SLC14A2: variants seen among roughly 807,000 people sequenced by gnomAD.
SLC14A2 encodes solute carrier family 14 member 2.
Under a neutral mutation model 104.6 loss-of-function variants are expected in SLC14A2, and 91 were observed. That is an observed-to-expected ratio of 0.87 (90% CI 0.73 to 1.04). The LOEUF is 1.04. Ranked by LOEUF, SLC14A2 falls within the 50% of genes least tolerant of loss-of-function variation. The pLI, the probability that SLC14A2 is intolerant of heterozygous loss-of-function variation, is 0.00. For synonymous variants in SLC14A2, 476 were observed against 466.4 expected (o/e 1.02, Z -0.27); for missense variants, 1,189 against 1,156.0 (o/e 1.03, Z -0.41).
intron 1 of SLC14A2, among the ~76,000 whole-genome samples, chr18:45,468,820 T>C (rs1375839259): frequency 6.6e-6 from 1 of 152,188 alleles, no homozygotes; most frequent in East Asian, 1.9e-4. Context: ...AAAGAATATA[T>C]AATTGCTGAG....
Position 45,667,973 on chromosome 18 carries a change from C to G in SLC14A2, c.1858C>G (p.Leu620Val), listed in dbSNP as rs2046058314. Reference protein sequence around the residue: ...QNPWWAISGCLGTIMSTLTAL... With the variant: ...QNPWWAISGCVGTIMSTLTAL... ...CCCCTGGTGGGCGATCTCAGGCTGC[C>G]TGGGTACCATCATGTCCACCTTGAC... Residue 620 changes from leucine (L) to valine (V), a missense_variant, in exon 14 of 20, where the codon CTG (leucine) becomes GTG (valine). Physicochemically the swap from Leu to Val is conservative, Grantham distance 32 (BLOSUM62 1). Coordinates refer to ENST00000255226, the MANE Select transcript of SLC14A2 (RefSeq NM_007163.4). 2.5e-6 allele frequency: 4 copies of G among 1,614,030 alleles called. No homozygotes were observed.
intron 1 of SLC14A2, among the ~76,000 whole-genome samples, chr18:45,317,098 C>A (rs1296429013): frequency 6.6e-6 from 1 of 152,208 alleles, no homozygotes; most frequent in Admixed American, 6.5e-5. Context: ...CTAATACCTC[C>A]TCTAGCCCTG....
intron 2 of SLC14A2, among the ~76,000 whole-genome samples, chr18:45,557,990 A>G (rs534566679): frequency 6.6e-6 from 1 of 152,290 alleles, no homozygotes; most frequent in South Asian, 2.1e-4. Flanking sequence ...AAAGACACTC[A>G]GAAACCACTT....
chr18:45,384,323 A>G (rs901006517), intron 1 of SLC14A2, among the ~76,000 whole-genome samples: 4 of 152,140 alleles, frequency 2.6e-5, no homozygotes, highest in Non-Finnish European at 5.9e-5. Context: ...GCAGCATGGC[A>G]TTGTGGAAAG....
chr18:45,183,522 T>C, the SLC14A2 span, among the ~76,000 whole-genome samples: 1 of 152,170 alleles, frequency 6.6e-6, no homozygotes, highest in East Asian at 1.9e-4. Context: ...TTAGCCCACA[T>C]CCAAAATATT....
intron 1 of SLC14A2, among the ~76,000 whole-genome samples, chr18:45,229,991 C>T (rs2084158678): frequency 6.6e-6 from 1 of 152,140 alleles, no homozygotes; most frequent in Non-Finnish European, 1.5e-5. Context: ...ATAGGGTCAA[C>T]AATAAAACAT....
chr18:45,394,146 A>G (rs1014321137), intron 1 of SLC14A2, among the ~76,000 whole-genome samples: 1 of 152,226 alleles, frequency 6.6e-6, no homozygotes, highest in Non-Finnish European at 1.5e-5. Flanking sequence ...TCGTTAGTCC[A>G]AGTATTACAT....
chr18:45,676,657 A>G (rs1435715247), intron 18 of SLC14A2, among the ~76,000 whole-genome samples: 3 of 152,290 alleles, frequency 2.0e-5, no homozygotes, highest in East Asian at 3.9e-4. Flanking sequence ...AACACCCTAC[A>G]ATACACAGGA....
chr18:45,197,333 A>G, the SLC14A2 span, among the ~76,000 whole-genome samples: 27 of 152,346 alleles, frequency 1.8e-4, no homozygotes, highest in South Asian at 5.0e-3. Flanking sequence ...CATGATACAT[A>G]AAAGACCTTC....
chr18:45,638,391 C>T (rs112551382), intron 6 of SLC14A2, among the ~76,000 whole-genome samples: 1,686 of 152,256 alleles, frequency 0.011, 44 homozygotes, highest in African/African-American at 0.038. Flanking sequence ...ATACTACTCC[C>T]TGAAGAAATC....
intron 10 of SLC14A2, among the ~76,000 whole-genome samples, chr18:45,663,580 T>C (rs1284813730): frequency 6.6e-6 from 1 of 152,210 alleles, no homozygotes; most frequent in East Asian, 1.9e-4. Context: ...CTTGGGTTAC[T>C]GTGGGGAGAG....
At position 45,293,520 on chromosome 18, in the gene SLC14A2, G is replaced by A. The variant is rs141504256; in HGVS notation, c.-125+80329G>A. On this transcript the variant is annotated intron_variant, in intron 1 of 20. Coordinates refer to the SLC14A2 transcript ENST00000586448. The stretch of plus-strand genomic sequence containing the variant: ...TAGAGGTGTCAGGCAAGGTCCCCCC[G>A]AGAAGTGCCATTTAAGCTGAGAATT... 1.1e-3 allele frequency among the ~76,000 whole-genome samples: 170 copies of A among 152,040 alleles called. 1 individual carries two copies. Among genetic ancestry groups the A allele is most frequent in the African/African-American group, 3.9e-3 (161 of 41,462 alleles).
intron 5 of SLC14A2, among the ~76,000 whole-genome samples, chr18:45,633,937 C>T (rs1024975960): frequency 6.6e-6 from 1 of 152,110 alleles, no homozygotes; most frequent in African/African-American, 2.4e-5. Context: ...TCTTAATGCC[C>T]CCCACGTTCC....
rs780322203 is a variant in SLC14A2 at position 45,644,102 on chromosome 18, G to C, written c.1293G>C (p.Glu431Asp). The change falls in exon 10 of 20, where the codon GAG becomes GAC. Residue 431 changes from glutamate to aspartate, a missense_variant. Transcript: ENST00000255226. ...CACTCAGCAAAGTCACCTACCCCGAGGCCAACCGCATCTACTACCTGACAG... is the reference window on the plus strand; with the variant it reads ...CACTCAGCAAAGTCACCTACCCCGACGCCAACCGCATCTACTACCTGACAG... ...RLPLSKVTYPEANRIYYLTVK... is the reference protein window; with the variant it reads ...RLPLSKVTYPDANRIYYLTVK... The C allele has an allele frequency of 1.2e-6, 2 of 1,614,178 alleles. No individual in the cohort carries two copies. Among genetic ancestry groups the C allele is most frequent in the Non-Finnish European group, 1.7e-6 (2 of 1,180,036 alleles).
chr18:45,499,528 C>T (rs1374786653), intron 2 of SLC14A2, among the ~76,000 whole-genome samples: 1 of 152,206 alleles, frequency 6.6e-6, no homozygotes, highest in African/African-American at 2.4e-5. Flanking sequence ...AAGTTATCTC[C>T]TCTATAAAAA....
At chr18:45,215,708 C>T (rs370277121) in intron 1 of SLC14A2, among the ~76,000 whole-genome samples, 1 of 152,176 alleles carries the variant, frequency 6.6e-6, no homozygotes, top group Admixed American at 6.5e-5. Flanking sequence ...AGATATTTGC[C>T]GCAGCTTATT....
intron 2 of SLC14A2, among the ~76,000 whole-genome samples, chr18:45,584,003 A>T (rs951037372): frequency 6.6e-6 from 1 of 152,246 alleles, no homozygotes; most frequent in African/African-American, 2.4e-5. Flanking sequence ...GACCCAAAAT[A>T]TTTTTAAAAT....
At chr18:45,431,736 C>T (rs930301982) in intron 1 of SLC14A2, among the ~76,000 whole-genome samples, 13 of 152,164 alleles carry the variant, frequency 8.5e-5, no homozygotes, top group East Asian at 7.7e-4. Context: ...TCAGTGAATA[C>T]GGTCAGAGCT....
intron 1 of SLC14A2, among the ~76,000 whole-genome samples, chr18:45,411,561 C>CT (rs2086216120): frequency 1.3e-5 from 2 of 152,188 alleles, no homozygotes; most frequent in African/African-American, 4.8e-5. Flanking sequence ...TGCCATCTCT[C>CT]TTTTCTTCTA....
Sources: allele counts gnomAD v4.1 joint callset (sites outside exome capture counted in the v4.1 genomes callset), GRCh38; gene constraint gnomAD v4.1.1; transcripts MANE v1.5; gene names NCBI Gene and HGNC (gene_info 2026-07-23, HGNC 2026-07-21).